The following CHST11 variants were observed in gnomAD, a reference collection of about 807,000 sequenced individuals.
CHST11 encodes the protein carbohydrate sulfotransferase 11.
In CHST11, 9 loss-of-function variants were observed where a neutral mutation model predicts 30.4. The ratio of observed to expected loss-of-function variants is 0.30; its 90% CI spans 0.18 to 0.52. The LOEUF (loss-of-function observed/expected upper bound fraction) is 0.52. CHST11 is among the 20% of genes least tolerant of loss of function. The pLI is 0.97. For missense variants in CHST11, 348 were observed against 460.6 expected, an observed-to-expected ratio of 0.76 and a Z score of 2.24; for synonymous variants, 152 against 187.8, an observed-to-expected ratio of 0.81 and a Z score of 1.56.
intron 2 of CHST11, among the ~76,000 whole-genome samples, chr12:104,709,753 G>T (rs2040069945): frequency 6.6e-6 from 1 of 152,170 alleles, no homozygotes; most frequent in African/African-American, 2.4e-5. Context: ...GTTGCTTAGG[G>T]GTAGGGGGAT....
intron 2 of CHST11, among the ~76,000 whole-genome samples, chr12:104,626,660 G>A (rs1309872735): frequency 6.6e-6 from 1 of 150,880 alleles, no homozygotes; most frequent in Non-Finnish European, 1.5e-5. Context: ...TGAGGGAATG[G>A]CCTGTTTTCC....
chr12:104,581,666 C>T (rs1323615711), intron 1 of CHST11, among the ~76,000 whole-genome samples: 1 of 152,172 alleles, frequency 6.6e-6, no homozygotes, highest in Non-Finnish European at 1.5e-5. Flanking sequence ...CTACCTCTGT[C>T]TAACCTGACA....
At chr12:104,476,309 CAT>C (rs1257678509) in intron 1 of CHST11, among the ~76,000 whole-genome samples, 19 of 150,146 alleles carry the variant, frequency 1.3e-4, no homozygotes, top group African/African-American at 4.1e-4. Flanking sequence ...ATAATATATA[CAT>C]ATGTTATACA....
At chr12:104,526,099 G>T (rs1351350641) in intron 1 of CHST11, among the ~76,000 whole-genome samples, 2 of 152,084 alleles carry the variant, frequency 1.3e-5, no homozygotes, top group Non-Finnish European at 2.9e-5. Flanking sequence ...CAGAAAGGCT[G>T]ATTGGTAGTT....
intron 2 of CHST11, among the ~76,000 whole-genome samples, chr12:104,636,960 G>A (rs1483692212): frequency 1.3e-5 from 2 of 151,896 alleles, no homozygotes; most frequent in Non-Finnish European, 2.9e-5. Flanking sequence ...GTAAGGATAA[G>A]CACTTAGTGA....
chr12:104,478,265 G>A (rs1922262), intron 1 of CHST11, among the ~76,000 whole-genome samples: 18,526 of 152,060 alleles, frequency 0.12, 1,232 homozygotes, highest in South Asian at 0.19. Context: ...GAAGGCCTGG[G>A]TATATTTTAA....
At chr12:104,705,429 T>G (rs934807381) in intron 2 of CHST11, among the ~76,000 whole-genome samples, 4 of 152,168 alleles carry the variant, frequency 2.6e-5, no homozygotes, top group Non-Finnish European at 5.9e-5. Flanking sequence ...CCCAGGCGCC[T>G]GGTAAATGGG....
intron 1 of CHST11, among the ~76,000 whole-genome samples, chr12:104,475,714 A>G (rs2037554013): frequency 9.5e-6 from 1 of 104,928 alleles, no homozygotes; most frequent in South Asian, 3.0e-4. Flanking sequence ...AATTAATTCA[A>G]GTGTATTATA....
rs191285549 is a variant in CHST11, at chr12:104,562,098, C to T, written c.119-39808C>T. 4.5e-4 allele frequency among the ~76,000 whole-genome samples: 69 copies of T among 152,164 alleles called. 2 individuals carry two copies. Among genetic ancestry groups the T allele is most frequent in the Middle Eastern group, 6.8e-3 (2 of 294 alleles). ...TGCCCCCACCTTCCTGGCTGGGCCTCGTTTCCAGAAATGCCACTGACATGG... is the reference window on the plus strand; with the variant it reads ...TGCCCCCACCTTCCTGGCTGGGCCTTGTTTCCAGAAATGCCACTGACATGG... On this transcript the variant is annotated intron_variant, in intron 1 of 2. Coordinates refer to ENST00000303694, the MANE Select transcript of CHST11 (RefSeq NM_018413.6).
chr12:104,696,622 C>T (rs968128346), intron 2 of CHST11, among the ~76,000 whole-genome samples: 6 of 151,758 alleles, frequency 4.0e-5, no homozygotes, highest in African/African-American at 7.3e-5. Flanking sequence ...GCCGAGATCA[C>T]GGTACTGCAC....
At chr12:104,514,352 C>T (rs2037999084) in intron 1 of CHST11, 2 of 944,098 alleles carry the variant, frequency 2.1e-6, no homozygotes, top group African/African-American at 3.2e-5. Context: ...AGCAGCTCTT[C>T]TTCTATGCCA....
intron 1 of CHST11, among the ~76,000 whole-genome samples, chr12:104,503,414 C>T (rs918265940): frequency 6.6e-5 from 10 of 152,186 alleles, no homozygotes; most frequent in African/African-American, 2.4e-4. Context: ...TCGGGCAAAT[C>T]GTTAACACTA....
At chr12:104,590,160 C>G (rs2038844252) in intron 1 of CHST11, among the ~76,000 whole-genome samples, 1 of 152,188 alleles carries the variant, frequency 6.6e-6, no homozygotes, top group Admixed American at 6.5e-5. Flanking sequence ...TCCCCCTCCT[C>G]TTCTCCAGAT....
intron 1 of CHST11, among the ~76,000 whole-genome samples, chr12:104,476,266 A>G (rs1384586660): frequency 6.7e-6 from 1 of 149,852 alleles, no homozygotes; most frequent in Non-Finnish European, 1.5e-5. Flanking sequence ...AATATATGTA[A>G]TATGTACACA....
chr12:104,735,750 G>A (rs536826836), intron 2 of CHST11, among the ~76,000 whole-genome samples: 135 of 151,546 alleles, frequency 8.9e-4, no homozygotes, highest in African/African-American at 3.2e-3. Context: ...GGGCTGGCAG[G>A]GGCCAGGATG....
chr12:104,706,635 G>A (rs528388961), intron 2 of CHST11, among the ~76,000 whole-genome samples: 1 of 152,076 alleles, frequency 6.6e-6, no homozygotes, highest in East Asian at 1.9e-4. Context: ...GACTTTGGGG[G>A]CAAGGTCTCT....
chr12:104,703,723 C>G (rs1048085770), intron 2 of CHST11, among the ~76,000 whole-genome samples: 2 of 152,244 alleles, frequency 1.3e-5, no homozygotes, highest in African/African-American at 4.8e-5. Context: ...ATTCCAGGCT[C>G]ACTGTGTGGT....
At chr12:104,722,606 A>T (rs1261680804) in intron 2 of CHST11, among the ~76,000 whole-genome samples, 2 of 152,070 alleles carry the variant, frequency 1.3e-5, no homozygotes, top group Non-Finnish European at 1.5e-5. Flanking sequence ...CTTGTGGAAG[A>T]GGACGGGCTA....
chr12:104,485,895 T>C (rs1032704668), intron 1 of CHST11, among the ~76,000 whole-genome samples: 6 of 152,210 alleles, frequency 3.9e-5, no homozygotes, highest in East Asian at 3.8e-4. Flanking sequence ...TGATGCACCA[T>C]TGTTAGGCGG....
Sources: allele counts gnomAD v4.1 joint callset (sites outside exome capture counted in the v4.1 genomes callset), GRCh38; gene constraint gnomAD v4.1.1; transcripts MANE v1.5; gene names NCBI Gene and HGNC (gene_info 2026-07-23, HGNC 2026-07-21).